The following XDH variants were observed in gnomAD, a reference collection of about 807,000 sequenced individuals.
XDH encodes xanthine dehydrogenase.
A neutral mutation model predicts 156.1 loss-of-function variants in XDH; 138 were observed. That is an observed-to-expected ratio of 0.88 (90% CI 0.77 to 1.02). The LOEUF is 1.02. XDH is among the 50% of genes least tolerant of loss of function. XDH has a pLI of 0.00. For synonymous variants in XDH, 669 were observed against 625.7 expected, an observed-to-expected ratio of 1.07 and a Z score of -1.03; for missense variants, 1,849 against 1,684.9, an observed-to-expected ratio of 1.10 and a Z score of -1.71.
intron 34 of XDH, among the ~76,000 whole-genome samples, chr2:31,339,153 T>C (rs1197444158): frequency 6.6e-6 from 1 of 152,118 alleles, no homozygotes; most frequent in East Asian, 1.9e-4. Context: ...TGTAAAATCA[T>C]CTCTTAGGAT....
intron 6 of XDH, among the ~76,000 whole-genome samples, chr2:31,395,860 C>G (rs140431210): frequency 2.1e-3 from 319 of 152,266 alleles, no homozygotes; most frequent in Middle Eastern, 0.014. Flanking sequence ...AATAAAGACT[C>G]CTAAGCTGCT....
intron 1 of XDH, among the ~76,000 whole-genome samples, chr2:31,406,460 A>G (rs766948119): frequency 6.6e-6 from 1 of 152,226 alleles, no homozygotes; most frequent in African/African-American, 2.4e-5. Flanking sequence ...ATAGCAATGC[A>G]TGAATGGCCT....
At chr2:31,393,911 A>G (rs1410785779) in intron 6 of XDH, among the ~76,000 whole-genome samples, 1 of 150,990 alleles carries the variant, frequency 6.6e-6, no homozygotes, top group African/African-American at 2.4e-5. Context: ...ATTGTATCTT[A>G]TAATAACAAA....
In XDH at chr2:31,405,917, C is replaced by G. The variant is rs1195039946; in HGVS notation, c.90G>C (p.Leu30=). The G allele has an allele frequency of 6.2e-7, 1 of 1,614,086 alleles. No individual in the cohort carries two copies. The highest frequency in any genetic ancestry group is 8.5e-7 in the Non-Finnish European group (1 of 1,180,042). ...ADPETTLLAY[L]RRKLGLSGTK... is the part of the protein sequence containing the mutation. ...CCAAAGTCAGGATACACTTTCTTCT[C>G]AGGTAGGCCAAAAGGGTTGTCTCTG... Residue 30 remains leucine (L), a synonymous_variant, in exon 2 of 36, where the codon CTG becomes CTC. Transcript: ENST00000379416.
chr2:31,363,846 GT>G (rs1685839771), intron 24 of XDH, among the ~76,000 whole-genome samples: 1 of 151,770 alleles, frequency 6.6e-6, no homozygotes, highest in Non-Finnish European at 1.5e-5. Context: ...ATATGTTACT[GT>G]ATATATATAT....
intron 1 of XDH, among the ~76,000 whole-genome samples, chr2:31,411,042 T>C (rs1168911354): frequency 6.6e-6 from 1 of 152,060 alleles, no homozygotes; most frequent in Non-Finnish European, 1.5e-5. Context: ...ACCAGCACTT[T>C]GGGAGGCCGA....
chr2:31,367,031 T>C (rs1685933960), intron 20 of XDH, 37 bp from the exon 21 acceptor site: 21 of 1,613,820 alleles, frequency 1.3e-5, no homozygotes, highest in Non-Finnish European at 1.8e-5. Flanking sequence ...GTGAGCCCAA[T>C]GCTGCAGAAG....
At chr2:31,370,266 T>C in intron 18 of XDH, 89 bp downstream of exon 18, 2 of 1,493,610 alleles carry the variant, frequency 1.3e-6, no homozygotes, top group South Asian at 2.3e-5. Context: ...ATGTATAACC[T>C]TTCCAGATCA....
chr2:31,363,753 A>G (rs1351873318), intron 24 of XDH, among the ~76,000 whole-genome samples: 1 of 152,196 alleles, frequency 6.6e-6, no homozygotes, highest in Non-Finnish European at 1.5e-5. Context: ...CAATTTGATC[A>G]TCACTGCTAA....
At chr2:31,348,859 C>A (rs1447035608) in intron 27 of XDH, 40 bp downstream of exon 27, 1 of 1,549,864 alleles carries the variant, frequency 6.5e-7, no homozygotes, top group Non-Finnish European at 8.9e-7. Context: ...AATGGGGTCC[C>A]AGTCCAGCGG....
chr2:31,353,493 GAGGAAAAAAAA>G (rs1213719407), intron 24 of XDH, among the ~76,000 whole-genome samples: 2 of 151,840 alleles, frequency 1.3e-5, no homozygotes, highest in African/African-American at 4.8e-5. Context: ...CTGAAAAGTG[GAGGAAAAAAAA>G]AGGCAGTCCC....
At chr2:31,343,756 TATAA>T (rs1685205092) in intron 31 of XDH, among the ~76,000 whole-genome samples, 1 of 149,892 alleles carries the variant, frequency 6.7e-6, no homozygotes, top group South Asian at 2.1e-4. Context: ...ATATAGGGCA[TATAA>T]ATGTTTTTTG....
Position 31,368,056 on chromosome 2 carries a change from T to A in XDH, c.2102A>T (p.Asp701Val), listed in dbSNP as rs527413763. 31 of 1,613,958 alleles carry A rather than the reference T, an allele frequency of 1.9e-5. No individual in the cohort carries two copies. The African/African-American group carries it at 3.6e-4, about 19-fold the overall frequency. The change falls in exon 20 of 36, where the codon GAT becomes GTT. Residue 701 changes from aspartate (D) to valine (V), a missense_variant and splice_region_variant. Asp to Val is a radical substitution (Grantham distance 152). Coordinates refer to ENST00000379416, the MANE Select transcript of XDH (RefSeq NM_000379.4). Reference sequence around the variant, plus strand: ...ATAAAAGGAGTTGTTCTTTATAGCATCCTGAGGATCACAAAGAAGTTTCAG... The same window carrying A: ...ATAAAAGGAGTTGTTCTTTATAGCAACCTGAGGATCACAAAGAAGTTTCAG... The part of the protein sequence containing the change: ...EELPAIITIE[D>V]AIKNNSFYGP...
At position 31,379,739 on chromosome 2, in the gene XDH, G is replaced by C. The variant is rs45586533; in HGVS notation, c.1242+128C>G. 4.2e-6 allele frequency: 4 copies of C among 963,842 alleles called. No individual in the cohort carries two copies. In the Admixed American group the frequency reaches 7.0e-5, roughly 17 times the overall value. 59.7% of individuals were successfully genotyped at this position (963,842 alleles called of 1,614,324 possible). A position where few individuals can be genotyped will look rare whatever the true frequency, so the allele number is the denominator to read the frequency against. On this transcript the variant is annotated intron_variant, in intron 13 of 35. Transcript: ENST00000379416. ...GTTCAACAGAGGCAAAGTTCAGAGA[G>C]AAAAATCATCAATGTAAAGGTTGAG...
Position 31,368,006 on chromosome 2 carries a change from C to A in XDH, c.2152G>T (p.Gly718Trp). ...TCGGAAAACCCCTTCTTTAGGTCCC[C>A]TTTCTCGATCTTCAGCTCAGGTCCA... ...FYGPELKIEK[G>W]DLKKGFSEAD... The change falls in exon 20 of 36, where the codon GGG (glycine) becomes TGG (tryptophan). Residue 718 changes from glycine to tryptophan, a missense_variant. Transcript: ENST00000379416. 1 of 1,614,172 alleles carries A rather than the reference C, an allele frequency of 6.2e-7. No homozygotes were observed. Among genetic ancestry groups the A allele is most frequent in the East Asian group, 2.2e-5 (1 of 44,884 alleles).
intron 2 of XDH, 137 bp from the exon 3 acceptor site, chr2:31,403,281 G>A: frequency 1.2e-6 from 1 of 859,244 alleles, no homozygotes; most frequent in South Asian, 1.6e-5. Context: ...GAAGGCAGCA[G>A]GCCCACTGGC....
In XDH at chr2:31,346,859, C is replaced by A. The variant is rs1336080243; in HGVS notation, c.3277-16G>T. ...GACAAGCCGCCTAAAGTAAACACCCCCCACACCCCAGACACATCAGTCCTC... is the reference window on the plus strand; with the variant it reads ...GACAAGCCGCCTAAAGTAAACACCCACCACACCCCAGACACATCAGTCCTC... On this transcript the variant is annotated splice_polypyrimidine_tract_variant and intron_variant, in intron 29 of 35. Transcript: ENST00000379416. 3 of 1,613,758 alleles carry A rather than the reference C, an allele frequency of 1.9e-6. No individual in the cohort carries two copies. The highest frequency in any genetic ancestry group is 4.5e-5 in the East Asian group (2 of 44,866).
chr2:31,386,849 A>T (rs1407714525), intron 8 of XDH, among the ~76,000 whole-genome samples: 1 of 52,000 alleles, frequency 1.9e-5, no homozygotes, highest in Non-Finnish European at 3.7e-5. Flanking sequence ...GGGGTCCCCA[A>T]CAGACCTGGC....
At chr2:31,357,469 C>T (rs1028082359) in intron 24 of XDH, among the ~76,000 whole-genome samples, 7 of 152,058 alleles carry the variant, frequency 4.6e-5, no homozygotes, top group African/African-American at 1.7e-4. Flanking sequence ...ATTCTACACA[C>T]ATGAATTTTT....
Sources: gnomAD v4.1 joint callset for allele counts (sites outside exome capture counted in the v4.1 genomes callset) on GRCh38, gnomAD v4.1.1 for gene constraint, MANE v1.5 for transcripts, NCBI Gene and HGNC (gene_info 2026-07-23, HGNC 2026-07-21) for gene names.